The following VPS37A variants were observed in gnomAD, a reference collection of about 807,000 sequenced individuals.
VPS37A encodes VPS37A subunit of ESCRT-I.
In VPS37A, 30 loss-of-function variants were observed where a neutral mutation model predicts 49.8. The observed-to-expected ratio is 0.60, with a 90% confidence interval of 0.45 to 0.82. The LOEUF is 0.82. VPS37A is among the 40% of genes least tolerant of loss of function. VPS37A has a pLI of 0.00. For missense variants in VPS37A, 593 were observed against 464.4 expected (o/e 1.28, Z -2.55); for synonymous variants, 195 against 160.6 (o/e 1.21, Z -1.62).
downstream of VPS37A, among the ~76,000 whole-genome samples, chr8:17,301,354 G>A (rs2150458379): frequency 6.6e-6 from 1 of 152,302 alleles, no homozygotes; most frequent in South Asian, 2.1e-4. Context: ...ATTTTAACAG[G>A]ACTGTGAAAG....
At chr8:17,305,162 T>G (rs1282452883), downstream of VPS37A, among the ~76,000 whole-genome samples, 1 of 152,218 alleles carries the variant, frequency 6.6e-6, no homozygotes, top group Non-Finnish European at 1.5e-5. Flanking sequence ...GTCCATTTCA[T>G]TTGAACTGAT....
chr8:17,262,546 G>A (rs547741059), intron 1 of VPS37A, among the ~76,000 whole-genome samples: 7 of 151,202 alleles, frequency 4.6e-5, no homozygotes, highest in Non-Finnish European at 1.0e-4. Context: ...TTTCTCTTGT[G>A]GTGTGATTAA....
At chr8:17,289,162 G>A (rs192084955) in intron 11 of VPS37A, among the ~76,000 whole-genome samples, 1 of 152,216 alleles carries the variant, frequency 6.6e-6, no homozygotes, top group Non-Finnish European at 1.5e-5. Context: ...GTGGCCTGTT[G>A]ATTCTGATGG....
chr8:17,281,549 T>A (rs1337655459), intron 9 of VPS37A, among the ~76,000 whole-genome samples: 1 of 152,010 alleles, frequency 6.6e-6, no homozygotes. Context: ...TCACAATTAC[T>A]ACACATTTCT....
rs562741409 is a variant in VPS37A, at chr8:17,296,677, A to C, written c.*1691A>C. 1 of 152,316 alleles carries C rather than the reference A, an allele frequency of 6.6e-6. No homozygotes were observed. Among genetic ancestry groups the C allele is most frequent in the South Asian group, 2.1e-4 (1 of 4,826 alleles). The allele number at this position is 152,316 out of a possible 1,614,324, so 9.4% of individuals were successfully genotyped here. A position where few individuals can be genotyped will look rare whatever the true frequency, so the allele number is the denominator to read the frequency against. ...CTACTAGGAATAAGGCATTGTGGAA[A>C]TACTATACAAAGATAAACATTGTTT... On this transcript the variant is annotated 3_prime_UTR_variant, in exon 12 of 12. Transcript: ENST00000324849.
chr8:17,332,220 C>T, the VPS37A span, among the ~76,000 whole-genome samples: 1 of 139,508 alleles, frequency 7.2e-6, no homozygotes, highest in African/African-American at 3.3e-5. Flanking sequence ...AACTCACCAC[C>T]AGAAAAAAAT....
intron 7 of VPS37A, 36 bp from the exon 8 acceptor site, chr8:17,280,203 C>T (rs368525670): frequency 9.9e-6 from 16 of 1,611,252 alleles, no homozygotes; most frequent in Non-Finnish European, 1.4e-5. Flanking sequence ...AAAATCTCAT[C>T]TTTACCTAGA....
chr8:17,289,887 G>A (rs1286996186), intron 11 of VPS37A, among the ~76,000 whole-genome samples: 1 of 152,114 alleles, frequency 6.6e-6, no homozygotes, highest in Admixed American at 6.6e-5. Flanking sequence ...CTTGAGCAGT[G>A]GTTTGTAGTT....
intron 2 of VPS37A, among the ~76,000 whole-genome samples, chr8:17,267,108 A>G (rs1813535531): frequency 6.6e-6 from 1 of 152,192 alleles, no homozygotes; most frequent in Non-Finnish European, 1.5e-5. Context: ...AATTACAGAA[A>G]CACGGTTAGT....
At chr8:17,319,814 T>C in the VPS37A span, among the ~76,000 whole-genome samples, 2 of 151,886 alleles carry the variant, frequency 1.3e-5, no homozygotes, top group African/African-American at 4.8e-5. Context: ...CTCAGGTTGG[T>C]TTTTTTTCAT....
Position 17,246,978 on chromosome 8 carries a change from G to A in VPS37A, c.-267G>A. The stretch of plus-strand genomic sequence containing the variant: ...GGAGCGCTGGGCGGCCAGGCTCCCT[G>A]GCTGGCCGGTTTGGGCGTCTGGGCC... On this transcript the variant is annotated 5_prime_UTR_variant, in exon 1 of 12. Coordinates refer to ENST00000324849, the MANE Select transcript of VPS37A (RefSeq NM_152415.3). 3 of 483,624 alleles carry A rather than the reference G, an allele frequency of 6.2e-6. No homozygotes were observed. The highest frequency in any genetic ancestry group is 7.4e-6 in the Non-Finnish European group (2 of 270,484). The allele number at this position is 483,624 out of a possible 1,614,324, so 30.0% of individuals were successfully genotyped here. A position where few individuals can be genotyped will look rare whatever the true frequency, so the allele number is the denominator to read the frequency against.
intron 1 of VPS37A, among the ~76,000 whole-genome samples, chr8:17,264,202 C>T (rs73200936): frequency 6.6e-6 from 1 of 151,972 alleles, no homozygotes; most frequent in Admixed American, 6.5e-5. Flanking sequence ...AGGATTTGAA[C>T]CCAGGAAGCC....
downstream of VPS37A, chr8:17,299,946 C>T (rs142421963): frequency 6.2e-7 from 1 of 1,614,158 alleles, no homozygotes; most frequent in African/African-American, 1.3e-5. Context: ...CACTTGGAGA[C>T]CGACAGCTCA....
chr8:17,248,507 C>G (rs1398071766), intron 1 of VPS37A: 7 of 375,662 alleles, frequency 1.9e-5, no homozygotes, highest in Non-Finnish European at 3.8e-5. Flanking sequence ...AACTCCTGAC[C>G]TTAGATTATC....
chr8:17,272,131 C>T, intron 4 of VPS37A: 1 of 455,554 alleles, frequency 2.2e-6, no homozygotes, highest in South Asian at 1.6e-5. Context: ...ATAAAAAGTT[C>T]TCCTTCCGGT....
chr8:17,259,922 A>G (rs1812817757), intron 1 of VPS37A, among the ~76,000 whole-genome samples: 1 of 152,126 alleles, frequency 6.6e-6, no homozygotes, highest in Non-Finnish European at 1.5e-5. Context: ...TGCATGAAAT[A>G]TCTTTTTCTA....
chr8:17,314,274 T>C, the VPS37A span, among the ~76,000 whole-genome samples: 1 of 152,120 alleles, frequency 6.6e-6, no homozygotes, highest in African/African-American at 2.4e-5. Flanking sequence ...CAAGAAATCA[T>C]AGATTTCTTT....
chr8:17,279,369 G>A (rs1814819275), intron 6 of VPS37A, among the ~76,000 whole-genome samples: 1 of 152,046 alleles, frequency 6.6e-6, no homozygotes, highest in Non-Finnish European at 1.5e-5. Context: ...TTTCAGCTCT[G>A]TTTCCCTCTT....
At chr8:17,286,674 T>G in intron 11 of VPS37A, 1 of 400,728 alleles carries the variant, frequency 2.5e-6, no homozygotes, top group South Asian at 3.8e-5. Context: ...GCTGCTAATG[T>G]AGAATTGTAA....
Sources: gnomAD v4.1 joint callset for allele counts (sites outside exome capture counted in the v4.1 genomes callset) on GRCh38, gnomAD v4.1.1 for gene constraint, MANE v1.5 for transcripts, NCBI Gene and HGNC (gene_info 2026-07-23, HGNC 2026-07-21) for gene names.